Variants in TBC1D22B observed in about 807,000 individuals in gnomAD.
TBC1D22B encodes the protein TBC1 domain family member 22B.
In TBC1D22B, 32 loss-of-function variants were observed where a neutral mutation model predicts 69.1. That is an observed-to-expected ratio of 0.46 (90% CI 0.35 to 0.62). The LOEUF is 0.62. Ranked by LOEUF, TBC1D22B falls within the 20% of genes least tolerant of loss-of-function variation. TBC1D22B has a pLI of 0.00. For missense variants in TBC1D22B, 462 were observed against 630.9 expected (o/e 0.73, Z 2.87); for synonymous variants, 206 against 229.8 (o/e 0.90, Z 0.94).
In TBC1D22B at chr6:37,289,087, G is replaced by C. The variant is rs1422037561; in HGVS notation, c.867+2015G>C. On this transcript the variant is annotated intron_variant, in intron 7 of 12. Transcript: ENST00000373491. ...TTCTCATAATTTTTTGTAGAGATGG[G>C]GTCTTGCTTTGTTGCCCAGGACTGG... 2.6e-5 allele frequency among the ~76,000 whole-genome samples: 4 copies of C among 151,962 alleles called. No homozygotes were observed. In the East Asian group the frequency reaches 7.8e-4, roughly 29 times the overall value.
At chr6:37,286,922 G>C (rs1767023322) in intron 6 of TBC1D22B, 85 bp from the exon 7 acceptor site, 1 of 1,241,742 alleles carries the variant, frequency 8.1e-7, no homozygotes, top group African/African-American at 1.6e-5. Context: ...CCAGCCTGGG[G>C]GACAAGAGCG....
At chr6:37,269,939 G>A (rs573261490) in intron 2 of TBC1D22B, among the ~76,000 whole-genome samples, 2 of 152,308 alleles carry the variant, frequency 1.3e-5, no homozygotes, top group East Asian at 1.9e-4. Context: ...TTGATTAAAT[G>A]TTGTCCCTGA....
chr6:37,327,477 CAAAAAAAAAAAA>C lies in TBC1D22B; in HGVS notation c.1390-3549_1390-3538del, dbSNP rs56160547. 5.8e-5 allele frequency among the ~76,000 whole-genome samples: 3 copies of C among 52,054 alleles called. No individual in the cohort carries two copies. In the East Asian group the frequency reaches 1.4e-3, roughly 24 times the overall value. The allele number at this position is 52,054 out of a possible 152,430, so 34.1% of individuals were successfully genotyped here. ...TGGGCGACAGAGCCAGACTCCGACT[CAAAAAAAAAAAA>C]AAAAAAAAAAAAAAAAATAAGTTGA... On this transcript the variant is annotated intron_variant, in intron 12 of 12. Transcript: ENST00000373491.
At chr6:37,282,415 C>T (rs748693171) in intron 4 of TBC1D22B, 51 bp downstream of exon 4, 4 of 1,515,876 alleles carry the variant, frequency 2.6e-6, no homozygotes, top group Non-Finnish European at 3.5e-6. Flanking sequence ...GACTGGAATT[C>T]TCAGAGACCT....
intron 8 of TBC1D22B, among the ~76,000 whole-genome samples, chr6:37,297,374 A>G (rs969676092): frequency 2.6e-5 from 4 of 152,192 alleles, no homozygotes; most frequent in Non-Finnish European, 5.9e-5. Flanking sequence ...GTAACATTAC[A>G]CTGGTTTTTA....
intron 2 of TBC1D22B, among the ~76,000 whole-genome samples, chr6:37,272,731 T>C (rs1766533176): frequency 6.6e-6 from 1 of 152,152 alleles, no homozygotes; most frequent in Admixed American, 6.6e-5. Flanking sequence ...ATCTGTGTGA[T>C]CGTCCCATTA....
At chr6:37,323,389 G>T (rs765423787) in intron 12 of TBC1D22B, among the ~76,000 whole-genome samples, 1 of 152,084 alleles carries the variant, frequency 6.6e-6, no homozygotes, top group Non-Finnish European at 1.5e-5. Context: ...AATTAGCCAG[G>T]CATGGTGGCA....
chr6:37,325,156 C>T (rs1768354971), intron 12 of TBC1D22B, among the ~76,000 whole-genome samples: 1 of 152,122 alleles, frequency 6.6e-6, no homozygotes, highest in South Asian at 2.1e-4. Context: ...TGGCCTCTTA[C>T]CTAATTGTTT....
At chr6:37,327,317 A>C (rs1309248637) in intron 12 of TBC1D22B, among the ~76,000 whole-genome samples, 1 of 135,826 alleles carries the variant, frequency 7.4e-6, no homozygotes, top group Non-Finnish European at 1.5e-5. Context: ...TCTCTACTAA[A>C]AATGCAAAAA....
At chr6:37,312,562 C>T (rs971340054) in intron 8 of TBC1D22B, among the ~76,000 whole-genome samples, 1 of 152,172 alleles carries the variant, frequency 6.6e-6, no homozygotes, top group African/African-American at 2.4e-5. Context: ...AAGAAATTTT[C>T]CAGGCCATCT....
chr6:37,278,895 T>C (rs1360779889), intron 2 of TBC1D22B, among the ~76,000 whole-genome samples: 1 of 151,642 alleles, frequency 6.6e-6, no homozygotes, highest in Non-Finnish European at 1.5e-5. Flanking sequence ...ATCATACCAC[T>C]GCACTCCAGC....
At chr6:37,277,632 A>G (rs1203834579) in intron 2 of TBC1D22B, among the ~76,000 whole-genome samples, 2 of 151,368 alleles carry the variant, frequency 1.3e-5, no homozygotes, top group African/African-American at 4.8e-5. Flanking sequence ...TGCCTGGCTA[A>G]TTTTTGTATT....
At chr6:37,281,892 C>T (rs1027867548) in intron 3 of TBC1D22B, among the ~76,000 whole-genome samples, 6 of 152,202 alleles carry the variant, frequency 3.9e-5, no homozygotes, top group Admixed American at 3.3e-4. Context: ...TCTCTGTTAG[C>T]ACCTTTAGAG....
intron 7 of TBC1D22B, among the ~76,000 whole-genome samples, chr6:37,288,622 G>A (rs1767081807): frequency 6.6e-6 from 1 of 151,880 alleles, no homozygotes; most frequent in South Asian, 2.1e-4. Flanking sequence ...GTGCTACTGT[G>A]CCTGTGCTAC....
At chr6:37,305,812 G>C (rs1210600173) in intron 8 of TBC1D22B, among the ~76,000 whole-genome samples, 2 of 152,160 alleles carry the variant, frequency 1.3e-5, no homozygotes, top group Non-Finnish European at 2.9e-5. Flanking sequence ...CAGCCACCGC[G>C]CCCGGTCAGT....
intron 8 of TBC1D22B, 37 bp downstream of exon 8, chr6:37,291,394 C>A: frequency 7.1e-7 from 1 of 1,407,756 alleles, no homozygotes; most frequent in Non-Finnish European, 9.7e-7. Context: ...CAAGCTATTG[C>A]TCTTTCTTAT....
intron 2 of TBC1D22B, among the ~76,000 whole-genome samples, chr6:37,273,183 C>CAAAAA (rs58720560): frequency 3.9e-5 from 3 of 77,276 alleles, no homozygotes; most frequent in Admixed American, 1.6e-4. Context: ...AACCCCGAGG[C>CAAAAA]AAAAAAAAAA....
At chr6:37,298,539 G>GTTTT (rs34996865) in intron 8 of TBC1D22B, among the ~76,000 whole-genome samples, 33 of 71,248 alleles carry the variant, frequency 4.6e-4, no homozygotes, top group African/African-American at 1.2e-3. Context: ...GTTGCCTACA[G>GTTTT]TTTTTTTTTT....
chr6:37,280,545 C>T (rs900109303), intron 3 of TBC1D22B, among the ~76,000 whole-genome samples: 1 of 152,204 alleles, frequency 6.6e-6, no homozygotes, highest in African/African-American at 2.4e-5. Flanking sequence ...TGTTACTGGA[C>T]CAGGTGGCCA....
Sources: gnomAD v4.1 joint callset for allele counts (sites outside exome capture counted in the v4.1 genomes callset) on GRCh38, gnomAD v4.1.1 for gene constraint, MANE v1.5 for transcripts, NCBI Gene and HGNC (gene_info 2026-07-23, HGNC 2026-07-21) for gene names.